The following MARCHF3 variants were observed in gnomAD, a reference collection of about 807,000 sequenced individuals.
MARCHF3 encodes the protein E3 ubiquitin-protein ligase MARCHF3.
Under a neutral mutation model 24.2 loss-of-function variants are expected in MARCHF3, and 13 were observed. The ratio of observed to expected loss-of-function variants is 0.54; its 90% CI spans 0.35 to 0.85. The LOEUF is 0.85. Among genes scored for constraint, MARCHF3 ranks in the 40% least tolerant of loss-of-function variants. The pLI is 0.01. For missense variants in MARCHF3, 276 were observed against 325.0 expected (o/e 0.85, Z 1.16); for synonymous variants, 144 against 137.3 (o/e 1.05, Z -0.34).
chr5:126,882,647 CTTGT>C (rs944059413), intron 3 of MARCHF3, among the ~76,000 whole-genome samples: 7 of 152,264 alleles, frequency 4.6e-5, no homozygotes, highest in Middle Eastern at 3.4e-3. Flanking sequence ...AGAAGGCAGG[CTTGT>C]TTGTGTGTCT....
intron 4 of MARCHF3, among the ~76,000 whole-genome samples, chr5:126,871,712 CTTTT>C (rs368757054): frequency 7.0e-6 from 1 of 143,132 alleles, no homozygotes; most frequent in Non-Finnish European, 1.6e-5. Flanking sequence ...GCCTCTCTCT[CTTTT>C]TTTTTTTTTT....
At chr5:127,002,161 T>C (rs1752149848) in intron 1 of MARCHF3, among the ~76,000 whole-genome samples, 3 of 152,162 alleles carry the variant, frequency 2.0e-5, no homozygotes, top group Admixed American at 1.3e-4. Flanking sequence ...AGGAAGACGT[T>C]AACCCTATCA....
chr5:127,026,656 T>C (rs1234968483), intron 1 of MARCHF3, among the ~76,000 whole-genome samples: 1 of 152,222 alleles, frequency 6.6e-6, no homozygotes, highest in East Asian at 1.9e-4. Flanking sequence ...CAATTTAAGT[T>C]GCAAGGCCAA....
At chr5:126,871,222 T>G (rs1163956926) in intron 4 of MARCHF3, among the ~76,000 whole-genome samples, 1 of 152,186 alleles carries the variant, frequency 6.6e-6, no homozygotes, top group East Asian at 1.9e-4. Context: ...TGAACCTTCC[T>G]GCAAGTTAGA....
intron 1 of MARCHF3, among the ~76,000 whole-genome samples, chr5:126,942,164 C>G (rs1169900924): frequency 1.3e-5 from 2 of 152,184 alleles, no homozygotes; most frequent in East Asian, 3.8e-4. Context: ...ACATTGAAAG[C>G]TCCACTATGG....
chr5:126,970,063 C>T (rs1750951130), intron 1 of MARCHF3, among the ~76,000 whole-genome samples: 1 of 151,760 alleles, frequency 6.6e-6, no homozygotes, highest in African/African-American at 2.4e-5. Flanking sequence ...GGCTTATGCT[C>T]TTTTTCTTCT....
intron 3 of MARCHF3, among the ~76,000 whole-genome samples, chr5:126,880,191 G>A (rs1753297774): frequency 6.6e-6 from 1 of 152,144 alleles, no homozygotes; most frequent in African/African-American, 2.4e-5. Context: ...GGAGGTAAAA[G>A]GCACCAAAGA....
intron 3 of MARCHF3, among the ~76,000 whole-genome samples, chr5:126,900,820 G>A (rs1371466903): frequency 3.3e-5 from 5 of 151,464 alleles, no homozygotes; most frequent in Non-Finnish European, 7.4e-5. Context: ...TCCTGGCTTA[G>A]CCTCTCAAAT....
rs1753757903 is a variant in MARCHF3, at chr5:126,893,178, CT to C, written c.394-14785del. Among the ~76,000 whole-genome samples the C allele has an allele frequency of 3.3e-5, 5 of 152,024 alleles. No individual in the cohort carries two copies. The South Asian group carries it at 1.0e-3, about 32-fold the overall frequency. On this transcript the variant is annotated intron_variant, in intron 3 of 4. Coordinates refer to ENST00000308660, the MANE Select transcript of MARCHF3 (RefSeq NM_178450.5). ...TATTGCATCTATTCGATTCTTCTCT[CT>C]TTTTTTCTTTATTAGTCTTGCTAGT... is the stretch of plus-strand genomic sequence containing the variant.
intron 3 of MARCHF3, among the ~76,000 whole-genome samples, chr5:126,910,435 T>C (rs1561421305): frequency 6.6e-6 from 1 of 152,248 alleles, no homozygotes; most frequent in Non-Finnish European, 1.5e-5. Flanking sequence ...ATGGTATTTT[T>C]ATGTGTTACC....
At chr5:126,959,165 A>C (rs905579429) in intron 1 of MARCHF3, among the ~76,000 whole-genome samples, 1 of 152,110 alleles carries the variant, frequency 6.6e-6, no homozygotes, top group Non-Finnish European at 1.5e-5. Flanking sequence ...CTATGAAGAA[A>C]CCTGACAAAC....
At chr5:126,996,473 C>T (rs1384969080) in intron 1 of MARCHF3, among the ~76,000 whole-genome samples, 2 of 151,458 alleles carry the variant, frequency 1.3e-5, no homozygotes, top group Non-Finnish European at 2.9e-5. Context: ...CAGCTGGGTC[C>T]CTGGTTTAAA....
intron 3 of MARCHF3, among the ~76,000 whole-genome samples, chr5:126,903,381 T>C (rs933923304): frequency 2.6e-5 from 4 of 152,078 alleles, no homozygotes; most frequent in African/African-American, 9.7e-5. Context: ...GCTATGATAC[T>C]AGTCCAACTA....
intron 3 of MARCHF3, among the ~76,000 whole-genome samples, chr5:126,912,261 T>C (rs1234033277): frequency 1.3e-5 from 2 of 152,218 alleles, no homozygotes; most frequent in Non-Finnish European, 2.9e-5. Flanking sequence ...TGAACAGTTA[T>C]GCAGAACGAA....
At chr5:126,989,402 A>C (rs1169229583) in intron 1 of MARCHF3, among the ~76,000 whole-genome samples, 1 of 152,172 alleles carries the variant, frequency 6.6e-6, no homozygotes, top group Non-Finnish European at 1.5e-5. Context: ...AGGCTAAAGC[A>C]GTAAGACAAT....
intron 3 of MARCHF3, among the ~76,000 whole-genome samples, chr5:126,882,883 C>A (rs1403510224): frequency 6.6e-6 from 1 of 152,142 alleles, no homozygotes; most frequent in Non-Finnish European, 1.5e-5. Flanking sequence ...AAATGAGACA[C>A]AGAGAATTTA....
Position 126,959,987 on chromosome 5 carries a change from T to C in MARCHF3, c.-56-41760A>G, listed in dbSNP as rs528205418. Among the ~76,000 whole-genome samples the C allele has an allele frequency of 1.6e-4, 25 of 152,210 alleles. No homozygotes were observed. The South Asian group carries it at 5.0e-3, about 30-fold the overall frequency. The stretch of plus-strand genomic sequence containing the variant: ...CCTCTGAGAAAACCGCAAGAAGAAA[T>C]GGGCATAAATTGCAGCAGGAGGGGT... On this transcript the variant is annotated intron_variant, in intron 1 of 4. Coordinates refer to ENST00000308660, the MANE Select transcript of MARCHF3 (RefSeq NM_178450.5).
At chr5:126,999,826 C>T (rs1477516515) in intron 1 of MARCHF3, among the ~76,000 whole-genome samples, 1 of 152,018 alleles carries the variant, frequency 6.6e-6, no homozygotes. Flanking sequence ...TACTAATGTA[C>T]CACACTGGAT....
intron 1 of MARCHF3, among the ~76,000 whole-genome samples, chr5:126,947,392 A>G (rs1275649800): frequency 3.3e-5 from 5 of 152,220 alleles, no homozygotes; most frequent in African/African-American, 1.2e-4. Context: ...AGAGCAAAAG[A>G]ACAAAAGAAC....
Sources: gnomAD v4.1 joint callset for allele counts (sites outside exome capture counted in the v4.1 genomes callset) on GRCh38, gnomAD v4.1.1 for gene constraint, MANE v1.5 for transcripts, NCBI Gene and HGNC (gene_info 2026-07-23, HGNC 2026-07-21) for gene names.